The following TBC1D32 variants were observed in gnomAD, a reference collection of about 807,000 sequenced individuals.
The protein encoded by TBC1D32 is TBC1 domain family member 32.
Under a neutral mutation model 170.3 loss-of-function variants are expected in TBC1D32, and 151 were observed. The observed-to-expected ratio is 0.89, with a 90% CI of 0.78 to 1.01. The LOEUF (loss-of-function observed/expected upper bound fraction) is 1.01, where lower values mean the gene tolerates loss of function less well. Among genes scored for constraint, TBC1D32 ranks in the 50% least tolerant of loss-of-function variants. The probability of loss-of-function intolerance (pLI) is 0.00; values close to 1 mark genes in which losing one functional copy is unlikely to be tolerated. For missense variants in TBC1D32, 1,464 were observed against 1,457.1 expected (o/e 1.00, Z -0.08); for synonymous variants, 498 against 488.0 (o/e 1.02, Z -0.27).
At chr6:121,285,918 G>A (rs2128452710) in intron 12 of TBC1D32, among the ~76,000 whole-genome samples, 1 of 152,324 alleles carries the variant, frequency 6.6e-6, no homozygotes, top group East Asian at 1.9e-4. Flanking sequence ...CAGACCTGTA[G>A]CTGAGGGTCC....
intron 2 of TBC1D32, among the ~76,000 whole-genome samples, chr6:121,320,908 T>A (rs1330134673): frequency 6.6e-6 from 1 of 152,134 alleles, no homozygotes; most frequent in Non-Finnish European, 1.5e-5. Context: ...TAATTCAACA[T>A]CTTTTCATTA....
chr6:121,091,810 C>T (rs933056333), intron 30 of TBC1D32, among the ~76,000 whole-genome samples: 2 of 152,110 alleles, frequency 1.3e-5, no homozygotes, highest in East Asian at 3.9e-4. Flanking sequence ...CAACTTTATT[C>T]GAAAATAGGG....
rs1169990067 is a variant in TBC1D32, at chr6:121,292,762, T to C, written c.1232-569A>G. ...TGATTAGGGCGCATATGTATTTGCA[T>C]ACAAAGAAGCAAGACACTTAGAGAA... On this transcript the variant is annotated intron_variant, in intron 11 of 31. Transcript: ENST00000398212. Among the ~76,000 whole-genome samples the C allele has an allele frequency of 3.9e-5, 6 of 152,290 alleles. No individual in the cohort carries two copies. In the East Asian group the frequency reaches 9.6e-4, roughly 24 times the overall value.
chr6:121,112,194 A>T (rs577026842), intron 29 of TBC1D32, among the ~76,000 whole-genome samples: 32 of 152,200 alleles, frequency 2.1e-4, no homozygotes, highest in Non-Finnish European at 4.4e-4. Context: ...AATACAAAAC[A>T]CAAGTCAATA....
At chr6:121,128,324 C>G (rs1288080272) in intron 25 of TBC1D32, among the ~76,000 whole-genome samples, 1 of 152,108 alleles carries the variant, frequency 6.6e-6, no homozygotes, top group Non-Finnish European at 1.5e-5. Flanking sequence ...GGTCATTGAA[C>G]CTATGACTCT....
At chr6:121,120,272 AG>A (rs1780120783) in intron 26 of TBC1D32, among the ~76,000 whole-genome samples, 2 of 152,088 alleles carry the variant, frequency 1.3e-5, no homozygotes. Context: ...CATTCAACAA[AG>A]CCGACATCTG....
intron 24 of TBC1D32, among the ~76,000 whole-genome samples, chr6:121,146,976 C>T (rs1197737313): frequency 6.6e-6 from 1 of 152,074 alleles, no homozygotes; most frequent in Admixed American, 6.6e-5. Context: ...CTTCCTCCCT[C>T]CATCACCCTA....
intron 22 of TBC1D32, among the ~76,000 whole-genome samples, chr6:121,178,881 C>G (rs1788140488): frequency 6.6e-6 from 1 of 152,148 alleles, no homozygotes; most frequent in Non-Finnish European, 1.5e-5. Flanking sequence ...CAGCCAACAA[C>G]CTGTGTGAGT....
At chr6:121,104,284 T>C (rs1778461723) in intron 30 of TBC1D32, among the ~76,000 whole-genome samples, 1 of 151,670 alleles carries the variant, frequency 6.6e-6, no homozygotes, top group South Asian at 2.1e-4. Flanking sequence ...AGTCCCAGGA[T>C]CAACTTAATC....
intron 22 of TBC1D32, among the ~76,000 whole-genome samples, chr6:121,178,282 T>C (rs1039924545): frequency 4.4e-4 from 67 of 152,132 alleles, no homozygotes; most frequent in African/African-American, 1.5e-3. Context: ...CCTGATTACA[T>C]AGTCATCCAT....
chr6:121,121,420 G>T (rs1780249930), intron 26 of TBC1D32, among the ~76,000 whole-genome samples: 1 of 152,014 alleles, frequency 6.6e-6, no homozygotes, highest in African/African-American at 2.4e-5. Context: ...TTCAGCAAAA[G>T]AAGAAATCAT....
chr6:121,291,925 T>C, intron 12 of TBC1D32, 128 bp downstream of exon 12: 1 of 973,354 alleles, frequency 1.0e-6, no homozygotes, highest in Admixed American at 4.0e-5. Context: ...GTATAAGCTA[T>C]CAATAGACTA....
chr6:121,290,937 T>C (rs1183861803), intron 12 of TBC1D32, among the ~76,000 whole-genome samples: 1 of 151,048 alleles, frequency 6.6e-6, no homozygotes, highest in African/African-American at 2.4e-5. Context: ...CACTCATAGG[T>C]GGGAATTGAA....
rs67847088 is a variant in TBC1D32 at position 121,308,686 on chromosome 6, C to CTTTTTTTTTTTTTTTTT, written c.565-602_565-586dup. ...CTGTATTTTCACAGAAAGCTTACTT[C>CTTTTTTTTTTTTTTTTT]TTTTTTTTTTTTTTTTTTTTGAGAC... On this transcript the variant is annotated intron_variant, in intron 4 of 31. Coordinates refer to ENST00000398212, the MANE Select transcript of TBC1D32 (RefSeq NM_152730.6). Among the ~76,000 whole-genome samples, 57 of 112,534 alleles carry CTTTTTTTTTTTTTTTTT rather than the reference C, an allele frequency of 5.1e-4. 5 individuals are homozygous for CTTTTTTTTTTTTTTTTT. The highest frequency in any genetic ancestry group is 2.1e-3 in the African/African-American group (53 of 25,824). 73.8% of individuals were successfully genotyped at this position (112,534 alleles called of 152,430 possible).
At chr6:121,262,596 C>A (rs1799906849) in intron 15 of TBC1D32, among the ~76,000 whole-genome samples, 1 of 152,010 alleles carries the variant, frequency 6.6e-6, no homozygotes, top group Admixed American at 6.6e-5. Flanking sequence ...CCTGCCTCAG[C>A]CTCCTGAGTA....
chr6:121,088,130 T>C (rs1207867226), intron 31 of TBC1D32, among the ~76,000 whole-genome samples: 1 of 151,964 alleles, frequency 6.6e-6, no homozygotes. Flanking sequence ...TTTGTACTTT[T>C]TTTTGGTAGA....
intron 20 of TBC1D32, among the ~76,000 whole-genome samples, chr6:121,223,610 A>G (rs763571242): frequency 3.9e-5 from 6 of 152,168 alleles, no homozygotes; most frequent in Non-Finnish European, 8.8e-5. Context: ...AAAATGTCAT[A>G]TATCTCTTAA....
intron 22 of TBC1D32, among the ~76,000 whole-genome samples, chr6:121,162,630 G>C (rs1483096258): frequency 6.6e-6 from 1 of 152,106 alleles, no homozygotes; most frequent in Non-Finnish European, 1.5e-5. Flanking sequence ...TAGATGACAT[G>C]ATGCTATATC....
chr6:121,285,242 G>A (rs902236917), intron 12 of TBC1D32, among the ~76,000 whole-genome samples: 5 of 152,148 alleles, frequency 3.3e-5, no homozygotes, highest in Non-Finnish European at 7.3e-5. Context: ...TCACAGCTAT[G>A]ATTTATTATA....
Sources: gnomAD v4.1 joint callset for allele counts (sites outside exome capture counted in the v4.1 genomes callset) on GRCh38, gnomAD v4.1.1 for gene constraint, MANE v1.5 for transcripts, NCBI Gene and HGNC (gene_info 2026-07-23, HGNC 2026-07-21) for gene names.